Variants in CNTN4 observed in about 807,000 individuals in gnomAD.
The protein encoded by CNTN4 is contactin 4.
A neutral mutation model predicts 122.5 loss-of-function variants in CNTN4; 77 were observed. The ratio of observed to expected loss-of-function variants is 0.63; its 90% CI spans 0.52 to 0.76. CNTN4 has a LOEUF of 0.76. Among genes scored for constraint, CNTN4 ranks in the 30% least tolerant of loss-of-function variants. The pLI, the probability that CNTN4 is intolerant of heterozygous loss-of-function variation, is 0.00. For synonymous variants in CNTN4, 512 were observed against 447.0 expected (o/e 1.15, Z -1.83); for missense variants, 1,256 against 1,259.1 (o/e 1.00, Z 0.04).
chr3:2,107,353 C>T lies in CNTN4; in HGVS notation c.-145+6714C>T, dbSNP rs188094921. ...TTAATGGACTCACAGTTCTGTATGG[C>T]TTGGGAGGCAACAGGAAACTTAAAA... On this transcript the variant is annotated intron_variant, in intron 2 of 24. Transcript: ENST00000418658. Among the ~76,000 whole-genome samples the T allele has an allele frequency of 3.7e-3, 560 of 152,260 alleles. 4 individuals carry two copies. The highest frequency in any genetic ancestry group is 0.012 in the South Asian group (59 of 4,822).
intron 4 of CNTN4, among the ~76,000 whole-genome samples, chr3:2,717,321 G>A (rs2087557103): frequency 6.6e-6 from 1 of 152,066 alleles, no homozygotes; most frequent in Non-Finnish European, 1.5e-5. Context: ...CTGGGAATCT[G>A]GAATTTTGGT....
intron 3 of CNTN4, among the ~76,000 whole-genome samples, chr3:2,503,215 GA>G (rs1559613352): frequency 2.6e-5 from 4 of 152,078 alleles, no homozygotes; most frequent in Non-Finnish European, 5.9e-5. Context: ...ATGGGTTCAG[GA>G]TGTTTAATCT....
rs1423578876 is a variant in CNTN4, at chr3:2,943,607, TA to T, written c.1358+17829del. ...CCTAGGTAATATATAAATATATAAA[TA>T]TATTTATATATATATATATATATTT... On this transcript the variant is annotated intron_variant, in intron 13 of 24. Coordinates refer to ENST00000418658, the MANE Select transcript of CNTN4 (RefSeq NM_175607.3). Among the ~76,000 whole-genome samples, 432 of 126,316 alleles carry T rather than the reference TA, an allele frequency of 3.4e-3. 2 individuals carry two copies. Among genetic ancestry groups the T allele is most frequent in the Non-Finnish European group, 5.6e-3 (345 of 61,902 alleles). The allele number at this position is 126,316 out of a possible 152,430, so 82.9% of individuals were successfully genotyped here.
rs183390868 is a variant in CNTN4, at chr3:2,234,409, G to A, written c.-144-104769G>A. On this transcript the variant is annotated intron_variant, in intron 2 of 24. Transcript: ENST00000418658. ...AAAAAAAAGAGGAAGTTTTCATTGCGTCTGGCTAAGACTTACAAACTTCAT... is the reference window on the plus strand; with the variant it reads ...AAAAAAAAGAGGAAGTTTTCATTGCATCTGGCTAAGACTTACAAACTTCAT... Among the ~76,000 whole-genome samples, 17 of 146,152 alleles carry A rather than the reference G, an allele frequency of 1.2e-4. No homozygotes were observed. In the East Asian group the frequency reaches 1.2e-3, roughly 10 times the overall value.
At chr3:2,386,506 G>A (rs2046262852) in intron 3 of CNTN4, among the ~76,000 whole-genome samples, 1 of 152,144 alleles carries the variant, frequency 6.6e-6, no homozygotes, top group African/African-American at 2.4e-5. Flanking sequence ...TTTGCAATAT[G>A]TGTTTACATT....
At chr3:2,352,162 G>A (rs1432002453) in intron 3 of CNTN4, among the ~76,000 whole-genome samples, 3 of 152,122 alleles carry the variant, frequency 2.0e-5, no homozygotes, top group Non-Finnish European at 4.4e-5. Context: ...AGGCCCAGGT[G>A]GGTGGATCAT....
At chr3:2,491,033 T>G (rs1366628704) in intron 3 of CNTN4, among the ~76,000 whole-genome samples, 1 of 152,162 alleles carries the variant, frequency 6.6e-6, no homozygotes, top group Non-Finnish European at 1.5e-5. Context: ...AATCAGTCTT[T>G]CCAGGAGGGT....
At chr3:2,161,180 A>G (rs1022484046) in intron 2 of CNTN4, among the ~76,000 whole-genome samples, 2 of 151,984 alleles carry the variant, frequency 1.3e-5, no homozygotes. Flanking sequence ...AATTTTAGGG[A>G]TGAATAGAAA....
chr3:2,165,654 T>C (rs986257324), intron 2 of CNTN4, among the ~76,000 whole-genome samples: 1 of 152,180 alleles, frequency 6.6e-6, no homozygotes, highest in African/African-American at 2.4e-5. Context: ...CCAGAAATTA[T>C]TCAAAGTTTG....
chr3:2,748,138 A>T (rs2149580002), intron 6 of CNTN4, among the ~76,000 whole-genome samples: 1 of 152,308 alleles, frequency 6.6e-6, no homozygotes, highest in South Asian at 2.1e-4. Context: ...GACACTGGGG[A>T]CAGTAGTATC....
intron 4 of CNTN4, among the ~76,000 whole-genome samples, chr3:2,637,667 C>G (rs1179828587): frequency 6.6e-6 from 1 of 152,116 alleles, no homozygotes; most frequent in Non-Finnish European, 1.5e-5. Flanking sequence ...ATTATTACTG[C>G]CCTGCTTATT....
intron 4 of CNTN4, among the ~76,000 whole-genome samples, chr3:2,618,646 A>G (rs2081873613): frequency 6.6e-6 from 1 of 152,170 alleles, no homozygotes; most frequent in South Asian, 2.1e-4. Flanking sequence ...GATAATTAAC[A>G]CAGAAAGTCA....
intron 6 of CNTN4, among the ~76,000 whole-genome samples, chr3:2,795,576 G>T: frequency 6.7e-6 from 1 of 150,346 alleles, no homozygotes; most frequent in South Asian, 2.1e-4. Flanking sequence ...GCTGGAGTGC[G>T]GTGGTGCCAT....
At chr3:2,907,140 A>T (rs1335643437) in intron 12 of CNTN4, among the ~76,000 whole-genome samples, 1 of 152,220 alleles carries the variant, frequency 6.6e-6, no homozygotes, top group Non-Finnish European at 1.5e-5. Flanking sequence ...TGTTTTCCAC[A>T]AGTCACTTTG....
chr3:2,565,150 G>A (rs575062833), intron 3 of CNTN4, among the ~76,000 whole-genome samples: 1 of 152,024 alleles, frequency 6.6e-6, no homozygotes, highest in Non-Finnish European at 1.5e-5. Context: ...CTAAATAAGG[G>A]ATTCCATCCT....
At chr3:2,315,765 T>C (rs1331520872) in intron 2 of CNTN4, among the ~76,000 whole-genome samples, 1 of 152,054 alleles carries the variant, frequency 6.6e-6, no homozygotes. Context: ...ATTTAACTAG[T>C]GTTGAGTCTT....
At chr3:3,005,920 G>C (rs62234366) in intron 14 of CNTN4, among the ~76,000 whole-genome samples, 7,832 of 140,102 alleles carry the variant, frequency 0.056, 222 homozygotes, top group Middle Eastern at 0.18. Flanking sequence ...GATTCTCACT[G>C]TGTCGCCCAG....
At chr3:2,580,255 TC>T (rs2079876673) in intron 4 of CNTN4, among the ~76,000 whole-genome samples, 1 of 152,046 alleles carries the variant, frequency 6.6e-6, no homozygotes, top group Admixed American at 6.5e-5. Flanking sequence ...ACATTTAGGG[TC>T]TGTCTCCTGG....
At chr3:2,238,671 AC>A (rs1269717021) in intron 2 of CNTN4, among the ~76,000 whole-genome samples, 1 of 150,800 alleles carries the variant, frequency 6.6e-6, no homozygotes, top group Non-Finnish European at 1.5e-5. Context: ...GCGTTTTGGA[AC>A]CTAACTTACT....
Sources: gnomAD v4.1 joint callset for allele counts (sites outside exome capture counted in the v4.1 genomes callset) on GRCh38, gnomAD v4.1.1 for gene constraint, MANE v1.5 for transcripts, NCBI Gene and HGNC (gene_info 2026-07-23, HGNC 2026-07-21) for gene names.